The following PTPN9 variants were observed in gnomAD, a reference collection of about 807,000 sequenced individuals.
PTPN9 encodes the protein protein tyrosine phosphatase non-receptor type 9, also known as tyrosine-protein phosphatase non-receptor type 9.
In PTPN9, 26 loss-of-function variants were observed where a neutral mutation model predicts 69.8. That is an observed-to-expected ratio of 0.37 (90% CI 0.27 to 0.52). The LOEUF (loss-of-function observed/expected upper bound fraction) is 0.52, where lower values mean the gene tolerates loss of function less well. Among genes scored for constraint, PTPN9 ranks in the 20% least tolerant of loss-of-function variants. PTPN9 has a pLI of 0.91. For missense variants in PTPN9, 549 were observed against 740.3 expected (o/e 0.74, Z 3.00); for synonymous variants, 274 against 272.5 (o/e 1.01, Z -0.05).
At chr15:75,495,091 T>G (rs1304374048) in intron 7 of PTPN9, among the ~76,000 whole-genome samples, 1 of 152,112 alleles carries the variant, frequency 6.6e-6, no homozygotes, top group Non-Finnish European at 1.5e-5. Context: ...ACAGCATCAC[T>G]AGTAATTGGA....
chr15:75,464,781 A>T lies in PTPN9; in HGVS notation c.*3988T>A, dbSNP rs1475857689. The stretch of plus-strand genomic sequence containing the variant: ...GAAGGAACCAAATTTCCCTAGGGCT[A>T]TGATGCTAAATAGTCCATTCTCCCA... On this transcript the variant is annotated 3_prime_UTR_variant, in exon 13 of 13. Coordinates refer to ENST00000618819, the MANE Select transcript of PTPN9 (RefSeq NM_002833.4). The T allele has an allele frequency of 6.6e-6, 1 of 152,208 alleles. No homozygotes were observed. Among genetic ancestry groups the T allele is most frequent in the Non-Finnish European group, 1.5e-5 (1 of 68,036 alleles). The allele number at this position is 152,208 out of a possible 1,614,324, so 9.4% of individuals were successfully genotyped here.
intron 7 of PTPN9, among the ~76,000 whole-genome samples, chr15:75,495,639 C>T (rs2074736115): frequency 1.3e-5 from 2 of 152,000 alleles, no homozygotes; most frequent in Non-Finnish European, 2.9e-5. Flanking sequence ...ATCGCTTGAA[C>T]CCAGGGTGTG....
intron 1 of PTPN9, among the ~76,000 whole-genome samples, chr15:75,570,955 T>C (rs528391915): frequency 2.0e-5 from 3 of 152,152 alleles, no homozygotes; most frequent in African/African-American, 7.2e-5. Flanking sequence ...GTTCTAAAAT[T>C]TTTCGCTATT....
Position 75,527,157 on chromosome 15 carries a change from A to G in PTPN9, c.168T>C (p.Phe56=). 1 of 1,614,194 alleles carries G rather than the reference A, an allele frequency of 6.2e-7. No individual in the cohort carries two copies. The highest frequency in any genetic ancestry group is 1.3e-5 in the African/African-American group (1 of 75,038). Residue 56 remains phenylalanine, a synonymous_variant, in exon 2 of 13, where the codon TTT becomes TTC. Coordinates refer to ENST00000618819, the MANE Select transcript of PTPN9 (RefSeq NM_002833.4). ...VAVKFLMARK[F]DVLRAIELFH... Reference sequence around the variant, plus strand: ...ACAATTCTATGGCACGGAGCACATCAAACTTCCTTGCCATGAGGAACTTGA... The same window carrying G: ...ACAATTCTATGGCACGGAGCACATCGAACTTCCTTGCCATGAGGAACTTGA...
At chr15:75,578,303 C>G (rs1024677951) in intron 1 of PTPN9, among the ~76,000 whole-genome samples, 1 of 152,214 alleles carries the variant, frequency 6.6e-6, no homozygotes, top group Non-Finnish European at 1.5e-5. Flanking sequence ...GGAAGCACCC[C>G]CCAAACTGGG....
intron 1 of PTPN9, among the ~76,000 whole-genome samples, chr15:75,559,084 G>A (rs1161556620): frequency 7.3e-5 from 11 of 151,708 alleles, no homozygotes. Context: ...AGGAAGTGAG[G>A]AGCGTCTCTG....
intron 1 of PTPN9, among the ~76,000 whole-genome samples, chr15:75,543,910 A>G (rs1595966283): frequency 6.6e-6 from 1 of 152,156 alleles, no homozygotes; most frequent in Non-Finnish European, 1.5e-5. Flanking sequence ...GGGGTAAAGG[A>G]TGACAGCTGT....
intron 1 of PTPN9, among the ~76,000 whole-genome samples, chr15:75,577,301 TGAAA>T (rs2141348773): frequency 6.6e-6 from 1 of 152,324 alleles, no homozygotes; most frequent in African/African-American, 2.4e-5. Flanking sequence ...AGGAAAAGGA[TGAAA>T]GAAAGAGATT....
intron 1 of PTPN9, among the ~76,000 whole-genome samples, chr15:75,578,190 C>G (rs1302501006): frequency 2.0e-5 from 3 of 152,144 alleles, no homozygotes; most frequent in Non-Finnish European, 4.4e-5. Context: ...CCATAACCTG[C>G]CCAAGTGGGC....
At chr15:75,475,965 C>T (rs1352581304) in intron 9 of PTPN9, among the ~76,000 whole-genome samples, 1 of 152,090 alleles carries the variant, frequency 6.6e-6, no homozygotes, top group Non-Finnish European at 1.5e-5. Context: ...ATTGCAAAAC[C>T]CTGTCCCTAC....
chr15:75,514,625 AAAC>A (rs1298002022), intron 5 of PTPN9, among the ~76,000 whole-genome samples: 2 of 152,228 alleles, frequency 1.3e-5, no homozygotes, highest in African/African-American at 2.4e-5. Context: ...AAAAGTGAAA[AAAC>A]AAGCTATAAA....
chr15:75,507,371 G>A (rs771633154), intron 6 of PTPN9, among the ~76,000 whole-genome samples: 23 of 150,980 alleles, frequency 1.5e-4, no homozygotes, highest in South Asian at 2.1e-4. Flanking sequence ...ACTTGAACCC[G>A]GGGGACGGAG....
intron 9 of PTPN9, among the ~76,000 whole-genome samples, chr15:75,474,449 G>A (rs1249428397): frequency 1.3e-5 from 2 of 152,038 alleles, no homozygotes; most frequent in South Asian, 2.1e-4. Flanking sequence ...ACCCCGGGAG[G>A]TGGAGGTTGC....
intron 7 of PTPN9, among the ~76,000 whole-genome samples, chr15:75,504,154 C>A (rs2074797578): frequency 1.7e-5 from 2 of 120,890 alleles, no homozygotes; most frequent in African/African-American, 3.3e-5. Flanking sequence ...GCCCGGACAG[C>A]CGCCCCGTCC....
At position 75,509,915 on chromosome 15, in the gene PTPN9, T is replaced by A. The variant is rs187985243; in HGVS notation, c.529-888A>T. On this transcript the variant is annotated intron_variant, in intron 5 of 12. Transcript: ENST00000618819. ...AGGAGAATCGCTTGAACCCAGGAAG[T>A]GGAGGTTGCAGTAAGCCAAGATCGC... is the stretch of plus-strand genomic sequence containing the variant. 2.1e-3 allele frequency among the ~76,000 whole-genome samples: 321 copies of A among 152,246 alleles called. 4 individuals are homozygous for A. Among genetic ancestry groups the A allele is most frequent in the Admixed American group, 0.019 (291 of 15,278 alleles).
chr15:75,507,365 G>A (rs1167838977), intron 6 of PTPN9, among the ~76,000 whole-genome samples: 1 of 149,296 alleles, frequency 6.7e-6, no homozygotes, highest in African/African-American at 2.5e-5. Context: ...AGAATCACTT[G>A]AACCCGGGGG....
At chr15:75,515,833 G>T (rs1402349777) in intron 5 of PTPN9, among the ~76,000 whole-genome samples, 2 of 151,124 alleles carry the variant, frequency 1.3e-5, no homozygotes, top group South Asian at 2.1e-4. Flanking sequence ...GGAGGTGGAG[G>T]TTGCAGTGAG....
intron 9 of PTPN9, 111 bp downstream of exon 9, chr15:75,479,737 G>T: frequency 2.2e-6 from 2 of 898,132 alleles, no homozygotes; most frequent in Non-Finnish European, 3.4e-6. Flanking sequence ...GGATCTAGTG[G>T]CCAAAACCTC....
intron 2 of PTPN9, among the ~76,000 whole-genome samples, chr15:75,525,966 A>G (rs927559921): frequency 3.3e-5 from 5 of 151,524 alleles, no homozygotes; most frequent in Non-Finnish European, 7.4e-5. Flanking sequence ...CTGCCTTATC[A>G]TAACATTTCT....
Sources: gnomAD v4.1 joint callset for allele counts (sites outside exome capture counted in the v4.1 genomes callset) on GRCh38, gnomAD v4.1.1 for gene constraint, MANE v1.5 for transcripts, NCBI Gene and HGNC (gene_info 2026-07-23, HGNC 2026-07-21) for gene names.